The following CSPG4 variants were observed in gnomAD, a reference collection of about 807,000 sequenced individuals.
The protein encoded by CSPG4 is chondroitin sulfate proteoglycan 4.
A neutral mutation model predicts 139.3 loss-of-function variants in CSPG4; 74 were observed. The observed-to-expected ratio is 0.53, with a 90% CI of 0.44 to 0.64. The LOEUF (loss-of-function observed/expected upper bound fraction) is 0.64. CSPG4 is among the 30% of genes least tolerant of loss of function. The probability of loss-of-function intolerance (pLI) is 0.00; values close to 1 mark genes in which losing one functional copy is unlikely to be tolerated. For missense variants in CSPG4, 2,565 were observed against 3,148.3 expected (o/e 0.81, Z 4.43); for synonymous variants, 1,234 against 1,394.2 (o/e 0.89, Z 2.56).
chr15:75,686,095 G>T (rs576115836), intron 3 of CSPG4, among the ~76,000 whole-genome samples: 48 of 152,222 alleles, frequency 3.2e-4, no homozygotes, highest in African/African-American at 1.1e-3. Flanking sequence ...TCACTGGGTT[G>T]CCCCGGCTGC....
At position 75,687,944 on chromosome 15, in the gene CSPG4, C is replaced by A. The variant is rs751093047; in HGVS notation, c.3121G>T (p.Asp1041Tyr). 5 of 1,612,922 alleles carry A rather than the reference C, an allele frequency of 3.1e-6. No homozygotes were observed. Among genetic ancestry groups the A allele is most frequent in the African/African-American group, 2.7e-5 (2 of 75,058 alleles). ...RGGRRLLTTD[D>Y]VAFSDADSGF... ...GAGTCAGCATCGCTGAAGGCCACGT[C>A]GTCTGTAGTCAGCAGCCGCCGCCCA... Residue 1041 changes from aspartate to tyrosine, a missense_variant, in exon 3 of 10, where the codon GAC (aspartate) becomes TAC (tyrosine). By Grantham distance (160) the Asp-to-Tyr change is radical (BLOSUM62 -3). Around this residue, in one of 5 missense-constraint regions of CSPG4, gnomAD observed 2,316 missense variants for 2,818.2 expected, o/e 0.82. Coordinates refer to ENST00000308508, the MANE Select transcript of CSPG4 (RefSeq NM_001897.5). This position sits in a 1 kb window ranked among gnomAD's most constrained non-coding sequence, Gnocchi z 5.4.
At chr15:75,678,005 G>A (rs942801950) in intron 8 of CSPG4, 119 bp from the exon 9 acceptor site, 14 of 867,330 alleles carry the variant, frequency 1.6e-5, no homozygotes, top group African/African-American at 8.8e-5. Context: ...AGGTCTGTGC[G>A]TGTGACCCGC....
rs1894102915 is a variant in CSPG4, at chr15:75,688,644, C to T, written c.2421G>A (p.Leu807=). 6.2e-7 allele frequency: 1 copy of T among 1,612,432 alleles called. No individual in the cohort carries two copies. Among genetic ancestry groups the T allele is most frequent in the Admixed American group, 1.7e-5 (1 of 59,992 alleles). The part of the protein sequence containing the change: ...TQQETLTTAH[L]EATLEEAGPS... ...GGCCTGCCTCCTCCAGGGTGGCCTC[C>T]AGGTGGGCTGTGGTGAGGGTCTCCT... Residue 807 remains leucine (L), a synonymous_variant, in exon 3 of 10, where the codon CTG becomes CTA. Transcript: ENST00000308508.
Position 75,687,997 on chromosome 15 carries a change from A to T in CSPG4, c.3068T>A (p.Ile1023Asn). 1 of 1,612,480 alleles carries T rather than the reference A, an allele frequency of 6.2e-7. No individual in the cohort carries two copies. The highest frequency in any genetic ancestry group is 8.5e-7 in the Non-Finnish European group (1 of 1,179,752). ...CCGGGCCACATGGAAGATCCGGCTGATGGTCTGCACAGGGGCGTGGTCATT... is the reference window on the plus strand; with the variant it reads ...CCGGGCCACATGGAAGATCCGGCTGTTGGTCTGCACAGGGGCGTGGTCATT... ...PVNDHAPVQT[I>N]SRIFHVARGG... Residue 1023 changes from isoleucine (I) to asparagine (N), a missense_variant, in exon 3 of 10, where the codon ATC becomes AAC. This residue lies in a region of CSPG4 where 2,316 missense variants were observed against 2,818.2 expected (regional missense o/e 0.82). Transcript: ENST00000308508. This position sits in a 1 kb window ranked among gnomAD's most constrained non-coding sequence, Gnocchi z 5.4.
chr15:75,704,087 G>A (rs1894339174), intron 1 of CSPG4, among the ~76,000 whole-genome samples: 1 of 136,912 alleles, frequency 7.3e-6, no homozygotes, highest in African/African-American at 2.8e-5. Flanking sequence ...GTCCTGGCAG[G>A]CTGGGCTGCT....
At position 75,689,171 on chromosome 15, in the gene CSPG4, C is replaced by T. The variant is rs138601278; in HGVS notation, c.1894G>A (p.Gly632Ser). The T allele has an allele frequency of 2.9e-5, 46 of 1,601,880 alleles. No homozygotes were observed. The highest frequency in any genetic ancestry group is 3.6e-5 in the Non-Finnish European group (42 of 1,174,700). Reference sequence around the variant, plus strand: ...AACGTCAAGTCCTGTGCAGGACCACCGCGGTGGACATAGACTAGGCTGCCG... The same window carrying T: ...AACGTCAAGTCCTGTGCAGGACCACTGCGGTGGACATAGACTAGGCTGCCG... Reference protein sequence around the residue: ...EAGSLVYVHRGGPAQDLTFRV... With the variant: ...EAGSLVYVHRSGPAQDLTFRV... The change falls in exon 3 of 10, where the codon GGT becomes AGT. Residue 632 changes from glycine to serine, a missense_variant. By Grantham distance (56) the Gly-to-Ser change is moderately conservative. This residue lies in a region of CSPG4 where 2,316 missense variants were observed against 2,818.2 expected (regional missense o/e 0.82). Coordinates refer to ENST00000308508, the MANE Select transcript of CSPG4 (RefSeq NM_001897.5).
At chr15:75,693,333 C>G in intron 1 of CSPG4, 100 bp from the exon 2 acceptor site, 1 of 1,155,912 alleles carries the variant, frequency 8.7e-7, no homozygotes, top group East Asian at 2.6e-5. Context: ...GGGGTCCGTG[C>G]TGGCGCACCC....
chr15:75,707,068 A>G lies in CSPG4; in HGVS notation c.88+5600T>C, dbSNP rs149905558. The stretch of plus-strand genomic sequence containing the variant: ...TGCCTCCCAGGTTCAAGCGATTCTC[A>G]TGCCTCAGTATCCTGAGTAGCTGGG... On this transcript the variant is annotated intron_variant, in intron 1 of 9. Coordinates refer to ENST00000308508, the MANE Select transcript of CSPG4 (RefSeq NM_001897.5). Among the ~76,000 whole-genome samples the G allele has an allele frequency of 1.6e-3, 240 of 151,118 alleles. 1 individual carries two copies. Among genetic ancestry groups the G allele is most frequent in the African/African-American group, 5.7e-3 (235 of 41,134 alleles).
chr15:75,681,084 G>A (rs1470308844), intron 8 of CSPG4, among the ~76,000 whole-genome samples: 1 of 152,204 alleles, frequency 6.6e-6, no homozygotes, highest in Non-Finnish European at 1.5e-5. Flanking sequence ...CAGCAACTGA[G>A]GGTACGCAGC....
At chr15:75,703,395 G>A (rs1251547830) in intron 1 of CSPG4, among the ~76,000 whole-genome samples, 13 of 151,878 alleles carry the variant, frequency 8.6e-5, no homozygotes, top group African/African-American at 2.4e-4. Context: ...TGTGGCTTCC[G>A]TCCCATAGAG....
In CSPG4 at chr15:75,700,395, C is replaced by A. The variant is rs568428631; in HGVS notation, c.89-7162G>T. Among the ~76,000 whole-genome samples the A allele has an allele frequency of 5.9e-5, 9 of 151,852 alleles. No homozygotes were observed. In the South Asian group the frequency reaches 1.2e-3, roughly 21 times the overall value. ...GGAGGGGGCAGCGAGGAGGGGGGGA[C>A]AGCGAGGAGGGGAGGGAAGCATCTG... On this transcript the variant is annotated intron_variant, in intron 1 of 9. Transcript: ENST00000308508.
Position 75,682,997 on chromosome 15 carries a change from C to T in CSPG4, c.4494G>A (p.Arg1498=), listed in dbSNP as rs1893999928. 6.2e-7 allele frequency: 1 copy of T among 1,611,288 alleles called. No individual in the cohort carries two copies. The highest frequency in any genetic ancestry group is 1.3e-5 in the African/African-American group (1 of 75,002). The stretch of plus-strand genomic sequence containing the variant: ...CAGACCCAGAGTCGCCGTCCGTGCT[C>T]CTCAGAGCCTCCGCAGGGATGGGCG... The part of the protein sequence containing the change: ...ATAPIPAEAL[R]STDGDSGSED... Residue 1498 remains arginine (R), a synonymous_variant, in exon 6 of 10, where the codon AGG becomes AGA. Coordinates refer to ENST00000308508, the MANE Select transcript of CSPG4 (RefSeq NM_001897.5).
intron 2 of CSPG4, among the ~76,000 whole-genome samples, chr15:75,691,539 C>G (rs1366400096): frequency 1.3e-5 from 2 of 152,200 alleles, no homozygotes; most frequent in Admixed American, 1.3e-4. Context: ...TGATCAGTCC[C>G]CTTCAACAGA....
At position 75,682,944 on chromosome 15, in the gene CSPG4, G is replaced by A. The variant is rs755678669; in HGVS notation, c.4547C>T (p.Pro1516Leu). 6.2e-7 allele frequency: 1 copy of A among 1,611,476 alleles called. No individual in the cohort carries two copies. Among genetic ancestry groups the A allele is most frequent in the Non-Finnish European group, 8.5e-7 (1 of 1,179,676 alleles). ...CCGCAGCACTACCCGCCCGTTGCTG[G>A]GCTGCTCGATGGTGTAGACCAGATC... The part of the protein sequence containing the change: ...SEDLVYTIEQ[P>L]SNGRVVLRGA... The change falls in exon 6 of 10, where the codon CCC becomes CTC. Residue 1516 changes from proline (P) to leucine (L), a missense_variant. Around this residue, in one of 5 missense-constraint regions of CSPG4, gnomAD observed 2,316 missense variants for 2,818.2 expected, o/e 0.82. Coordinates refer to ENST00000308508, the MANE Select transcript of CSPG4 (RefSeq NM_001897.5).
Position 75,677,346 on chromosome 15 carries a change from C to T in CSPG4, c.5173G>A (p.Val1725Met), listed in dbSNP as rs764884311. The change falls in exon 10 of 10, where the codon GTG (valine) becomes ATG (methionine). Residue 1725 changes from valine (V) to methionine (M), a missense_variant. By Grantham distance (21) the Val-to-Met change is conservative. Transcript: ENST00000308508. The stretch of plus-strand genomic sequence containing the variant: ...AGATTGGAGGCATCCAGAGCAGCCA[C>T]GGTGATCCTGGCCCGCTGGCCCTCG... ...VPEGQRARIT[V>M]AALDASNLLA... 38 of 1,410,290 alleles carry T rather than the reference C, an allele frequency of 2.7e-5. No individual in the cohort carries two copies. Among genetic ancestry groups the T allele is most frequent in the Non-Finnish European group, 3.2e-5 (35 of 1,078,814 alleles). 87.4% of individuals were successfully genotyped at this position (1,410,290 alleles called of 1,614,324 possible). A position where few individuals can be genotyped will look rare whatever the true frequency, so the allele number is the denominator to read the frequency against.
chr15:75,707,590 G>A (rs897358354), intron 1 of CSPG4, among the ~76,000 whole-genome samples: 2 of 152,232 alleles, frequency 1.3e-5, no homozygotes, highest in Non-Finnish European at 2.9e-5. Flanking sequence ...AGGAAGCTGG[G>A]ACCACCTTCT....
In CSPG4 at chr15:75,693,019, G is replaced by C. The variant is rs1251529053; in HGVS notation, c.252+51C>G. 4 of 876,222 alleles carry C rather than the reference G, an allele frequency of 4.6e-6. No homozygotes were observed. In the East Asian group the frequency reaches 8.0e-5, roughly 18 times the overall value. 54.3% of individuals were successfully genotyped at this position (876,222 alleles called of 1,614,324 possible). A position where few individuals can be genotyped will look rare whatever the true frequency, so the allele number is the denominator to read the frequency against. On this transcript the variant is annotated intron_variant, in intron 2 of 9. Coordinates refer to ENST00000308508, the MANE Select transcript of CSPG4 (RefSeq NM_001897.5). Reference sequence around the variant, plus strand: ...CAGCTGGGGTTCACTCAAAGCTAGAGAAGGAATCCCACCCCGAATCCCGCC... The same window carrying C: ...CAGCTGGGGTTCACTCAAAGCTAGACAAGGAATCCCACCCCGAATCCCGCC...
chr15:75,703,401 TAG>T (rs1566977779), intron 1 of CSPG4, among the ~76,000 whole-genome samples: 1 of 151,742 alleles, frequency 6.6e-6, no homozygotes, highest in African/African-American at 2.4e-5. Context: ...TTCCGTCCCA[TAG>T]AGTCTTCATG....
Position 75,685,243 on chromosome 15 carries a change from G to T in CSPG4, c.4248C>A (p.Thr1416=). The T allele has an allele frequency of 6.6e-7, 1 of 1,524,504 alleles. No homozygotes were observed. Among genetic ancestry groups the T allele is most frequent in the Non-Finnish European group, 8.8e-7 (1 of 1,136,774 alleles). The allele number at this position is 1,524,504 out of a possible 1,614,324, so 94.4% of individuals were successfully genotyped here. ...LQKEDGPQAR[T]LSAFSWRMVE... Reference sequence around the variant, plus strand: ...CCATTCTCCAGGAGAAGGCGCTGAGGGTCCTGGCTTGAGGTCCGTCCTCCT... The same window carrying T: ...CCATTCTCCAGGAGAAGGCGCTGAGTGTCCTGGCTTGAGGTCCGTCCTCCT... The change falls in exon 4 of 10, where the codon ACC becomes ACA. Residue 1416 remains threonine, a synonymous_variant. Coordinates refer to ENST00000308508, the MANE Select transcript of CSPG4 (RefSeq NM_001897.5).
Sources: allele counts gnomAD v4.1 joint callset (sites outside exome capture counted in the v4.1 genomes callset), GRCh38; gene constraint gnomAD v4.1.1; regional missense constraint gnomAD v4.1.1; non-coding constraint Gnocchi (gnomAD v3.1); transcripts MANE v1.5; gene names NCBI Gene and HGNC (gene_info 2026-07-23, HGNC 2026-07-21).